Variants in MKI67 observed in about 807,000 individuals in gnomAD.
The protein encoded by MKI67 is marker of proliferation Ki-67.
MKI67 carries 152 observed loss-of-function variants against 233.5 expected under a neutral mutation model. That is an observed-to-expected ratio of 0.65 (90% confidence interval 0.57 to 0.74). The LOEUF is 0.74. Ranked by LOEUF, MKI67 falls within the 30% of genes least tolerant of loss-of-function variation. The pLI is 0.00. For missense variants in MKI67, 3,940 were observed against 3,885.2 expected (o/e 1.01, Z -0.37); for synonymous variants, 1,465 against 1,418.5 (o/e 1.03, Z -0.74).
Position 128,103,562 on chromosome 10 carries a change from C to T in MKI67, c.8278G>A (p.Asp2760Asn), listed in dbSNP as rs765763082. ...TDADKEPAGE[D>N]KGIKALKESA... ...TCCTTCAATGCTTTGATGCCTTTAT[C>T]TTCACCTGCTGGTTCTTTGTCTGCA... The change falls in exon 13 of 15, where the codon GAT becomes AAT. Residue 2760 changes from aspartate to asparagine, a missense_variant. Coordinates refer to ENST00000368654, the MANE Select transcript of MKI67 (RefSeq NM_002417.5). 13 of 1,613,964 alleles carry T rather than the reference C, an allele frequency of 8.1e-6. No homozygotes were observed. The South Asian group carries it at 1.4e-4, about 18-fold the overall frequency.
chr10:128,110,880 T>C (rs1006756723), intron 11 of MKI67, among the ~76,000 whole-genome samples: 1 of 152,222 alleles, frequency 6.6e-6, no homozygotes, highest in Non-Finnish European at 1.5e-5. Flanking sequence ...CCTGCTAGGA[T>C]CTAGAGGCCA....
chr10:128,117,705 TTCCAA>T (rs1452498416), intron 5 of MKI67, among the ~76,000 whole-genome samples: 1 of 152,240 alleles, frequency 6.6e-6, no homozygotes, highest in Non-Finnish European at 1.5e-5. Context: ...GGTTTTTTAT[TTCCAA>T]TCTGAAGTGG....
At position 128,104,886 on chromosome 10, in the gene MKI67, G is replaced by A. The variant is rs779606021; in HGVS notation, c.6954C>T (p.Gly2318=). The change falls in exon 13 of 15, where the codon GGC becomes GGT. Residue 2318 remains glycine, a synonymous_variant. Transcript: ENST00000368654. ...CTGGTGTCTGGAAGAGCTCTTTGAA[G>A]CCAGCCAGGTCTTCTAGAGCCTGGG... is the stretch of plus-strand genomic sequence containing the variant. The part of the protein sequence containing the change: ...EKAQALEDLA[G]FKELFQTPGT... 2 of 1,612,002 alleles carry A rather than the reference G, an allele frequency of 1.2e-6. No homozygotes were observed. Among genetic ancestry groups the A allele is most frequent in the South Asian group, 1.1e-5 (1 of 90,974 alleles).
Position 128,098,549 on chromosome 10 carries a change from C to T in MKI67, c.*641G>A, listed in dbSNP as rs1852263466. On this transcript the variant is annotated 3_prime_UTR_variant, in exon 15 of 15. Transcript: ENST00000368654. Reference sequence around the variant, plus strand: ...ATTCCCAAGAGACCAAGGCAAGCCACGAGTCACTCCTTACAGAAAGTCACT... The same window carrying T: ...ATTCCCAAGAGACCAAGGCAAGCCATGAGTCACTCCTTACAGAAAGTCACT... 1 of 152,142 alleles carries T rather than the reference C, an allele frequency of 6.6e-6. No individual in the cohort carries two copies. The highest frequency in any genetic ancestry group is 2.4e-5 in the African/African-American group (1 of 41,410). The allele number at this position is 152,142 out of a possible 1,614,324, so 9.4% of individuals were successfully genotyped here.
At position 128,107,333 on chromosome 10, in the gene MKI67, T is replaced by G. The variant is rs1852528298; in HGVS notation, c.4507A>C (p.Thr1503Pro). Residue 1503 changes from threonine to proline, a missense_variant, in exon 13 of 15, where the codon ACA becomes CCA. Thr to Pro is a conservative substitution (Grantham distance 38). Transcript: ENST00000368654. ...GACTGTGGCTTGGAGCTTGTTGGTG[T>G]GTCCACTGGGTCTGGTTGTGATCTG... ...ACRSQPDPVDTPTSSKPQSKR... is the reference protein window; with the variant it reads ...ACRSQPDPVDPPTSSKPQSKR... 2 of 1,614,072 alleles carry G rather than the reference T, an allele frequency of 1.2e-6. No individual in the cohort carries two copies. The highest frequency in any genetic ancestry group is 1.3e-5 in the African/African-American group (1 of 74,918).
chr10:128,116,589 C>T lies in MKI67; in HGVS notation c.355-53G>A, dbSNP rs1590315068. The T allele has an allele frequency of 4.9e-6, 7 of 1,442,036 alleles. No homozygotes were observed. The East Asian group carries it at 1.1e-4, about 23-fold the overall frequency. The allele number at this position is 1,442,036 out of a possible 1,614,324, so 89.3% of individuals were successfully genotyped here. ...ATTTGCAGGTCTTTCTAAATGATGA[C>T]AGTCACAACAGTGAAAATATTATTT... On this transcript the variant is annotated intron_variant, in intron 5 of 14. Coordinates refer to ENST00000368654, the MANE Select transcript of MKI67 (RefSeq NM_002417.5).
intron 4 of MKI67, 70 bp downstream of exon 4, chr10:128,122,811 T>C: frequency 1.4e-6 from 1 of 718,040 alleles, no homozygotes; most frequent in Non-Finnish European, 2.3e-6. Flanking sequence ...GAATGACAGT[T>C]GACTTTGACA....
intron 2 of MKI67, among the ~76,000 whole-genome samples, chr10:128,124,127 A>G (rs1853008905): frequency 2.0e-5 from 3 of 152,348 alleles, no homozygotes; most frequent in East Asian, 3.9e-4. Context: ...TACTGTATAA[A>G]AAAGCAAAAG....
intron 5 of MKI67, among the ~76,000 whole-genome samples, chr10:128,117,695 G>A (rs1213165157): frequency 1.3e-5 from 2 of 152,114 alleles, no homozygotes; most frequent in Non-Finnish European, 2.9e-5. Flanking sequence ...TGTGAGGGAT[G>A]GTTTTTTATT....
At chr10:128,100,808 A>C (rs1265493622) in intron 14 of MKI67, among the ~76,000 whole-genome samples, 2 of 152,232 alleles carry the variant, frequency 1.3e-5, no homozygotes, top group African/African-American at 4.8e-5. Flanking sequence ...CATGTGTCTC[A>C]GGGACATCCC....
Position 128,104,425 on chromosome 10 carries a change from A to G in MKI67, c.7415T>C (p.Phe2472Ser). The G allele has an allele frequency of 6.2e-7, 1 of 1,613,404 alleles. No individual in the cohort carries two copies. Among genetic ancestry groups the G allele is most frequent in the Non-Finnish European group, 8.5e-7 (1 of 1,179,908 alleles). ...TTGCTTGGAGCTTCTTGAGGTTTTGAATGACTCTGGCTGTGGAGATTTACA... is the reference window on the plus strand; with the variant it reads ...TTGCTTGGAGCTTCTTGAGGTTTTGGATGACTCTGGCTGTGGAGATTTACA... ...VSCKSPQPESFKTSRSSKQRL... is the reference protein window; with the variant it reads ...VSCKSPQPESSKTSRSSKQRL... Residue 2472 changes from phenylalanine (F) to serine (S), a missense_variant, in exon 13 of 15, where the codon TTC becomes TCC. Physicochemically the swap from Phe to Ser is radical, Grantham distance 155. Coordinates refer to ENST00000368654, the MANE Select transcript of MKI67 (RefSeq NM_002417.5).
chr10:128,115,818 T>A lies in MKI67; in HGVS notation c.590A>T (p.Asp197Val). The stretch of plus-strand genomic sequence containing the variant: ...TTCTTTAAAATCCCCAGAAATGGGA[T>A]CAGCTGCATTTCTGCCATTACGTCC... ...HAGRNGRNAA[D>V]PISGDFKEIS... The change falls in exon 7 of 15, where the codon GAT becomes GTT. Residue 197 changes from aspartate (D) to valine (V), a missense_variant. By Grantham distance (152) the Asp-to-Val change is radical (BLOSUM62 -3). Transcript: ENST00000368654. 6.2e-7 allele frequency: 1 copy of A among 1,610,076 alleles called. No homozygotes were observed. The highest frequency in any genetic ancestry group is 8.5e-7 in the Non-Finnish European group (1 of 1,179,902).
At chr10:128,111,219 C>G (rs1194019082) in intron 11 of MKI67, among the ~76,000 whole-genome samples, 1 of 152,158 alleles carries the variant, frequency 6.6e-6, no homozygotes, top group Non-Finnish European at 1.5e-5. Flanking sequence ...TCTCATAGGG[C>G]TTTCTTTCAA....
At chr10:128,099,280 A>G (rs568213333) in intron 14 of MKI67, 25 bp from the exon 15 acceptor site, 11 of 1,592,394 alleles carry the variant, frequency 6.9e-6, no homozygotes, top group East Asian at 6.7e-5. Context: ...AAAAAATAGA[A>G]CTCTTAAGTA....
At position 128,119,293 on chromosome 10, in the gene MKI67, C is replaced by T; in HGVS notation, c.314G>A (p.Gly105Glu). The change falls in exon 5 of 15, where the codon GGA becomes GAA. Residue 105 changes from glycine to glutamate, a missense_variant. Transcript: ENST00000368654. Reference sequence around the variant, plus strand: ...TCTTGGAAATTCAGTTGACTTCCTTCCATTCTGAAGACTTTCATTTTCATA... The same window carrying T: ...TCTTGGAAATTCAGTTGACTTCCTTTCATTCTGAAGACTTTCATTTTCATA... Reference protein sequence around the residue: ...FRYENESLQNGRKSTEFPRKI... With the variant: ...FRYENESLQNERKSTEFPRKI... 6.2e-7 allele frequency: 1 copy of T among 1,609,218 alleles called. No homozygotes were observed. The highest frequency in any genetic ancestry group is 1.1e-5 in the South Asian group (1 of 90,818).
intron 12 of MKI67, among the ~76,000 whole-genome samples, chr10:128,110,102 A>G (rs986057051): frequency 1.3e-5 from 2 of 152,166 alleles, no homozygotes; most frequent in Non-Finnish European, 2.9e-5. Context: ...TTTTTTTGCT[A>G]TGTCACCCTG....
chr10:128,098,599 G>C lies in MKI67; in HGVS notation c.*591C>G, dbSNP rs62618741. The C allele has an allele frequency of 6.6e-6, 1 of 152,136 alleles. No individual in the cohort carries two copies. The allele number at this position is 152,136 out of a possible 1,614,324, so 9.4% of individuals were successfully genotyped here. A position where few individuals can be genotyped will look rare whatever the true frequency, so the allele number is the denominator to read the frequency against. On this transcript the variant is annotated 3_prime_UTR_variant, in exon 15 of 15. Coordinates refer to ENST00000368654, the MANE Select transcript of MKI67 (RefSeq NM_002417.5). The stretch of plus-strand genomic sequence containing the variant: ...TCTTGGTCCCTAAAGATGTGCTCAC[G>C]AGTCATTCTCCAAAGCACAAAACTT...
chr10:128,116,132 ATTAT>A, intron 6 of MKI67, 125 bp from the exon 7 acceptor site: 1 of 1,092,682 alleles, frequency 9.2e-7, no homozygotes, highest in Non-Finnish European at 1.3e-6. Flanking sequence ...TGGCCTACAA[ATTAT>A]TTAATGCCTA....
rs745966187 is a variant in MKI67, at chr10:128,101,387, T to C, written c.9576A>G (p.Ala3192=). ...LMQNQKGKGE[A]GNSDSMCLRS... is the part of the protein sequence containing the mutation. ...TCAGGCACATGGAGTCTGAATTTCCTGCTTCTCCTTTCCCTTTCTGATTCT... is the reference window on the plus strand; with the variant it reads ...TCAGGCACATGGAGTCTGAATTTCCCGCTTCTCCTTTCCCTTTCTGATTCT... Residue 3192 remains alanine, a synonymous_variant, in exon 14 of 15, where the codon GCA becomes GCG. Coordinates refer to ENST00000368654, the MANE Select transcript of MKI67 (RefSeq NM_002417.5). The C allele has an allele frequency of 1.2e-6, 2 of 1,614,234 alleles. No individual in the cohort carries two copies. Among genetic ancestry groups the C allele is most frequent in the Non-Finnish European group, 1.7e-6 (2 of 1,180,026 alleles).
Sources: allele counts gnomAD v4.1 joint callset (sites outside exome capture counted in the v4.1 genomes callset), GRCh38; gene constraint gnomAD v4.1.1; transcripts MANE v1.5; gene names NCBI Gene and HGNC (gene_info 2026-07-23, HGNC 2026-07-21).